The following MOSPD2 variants were observed in gnomAD, a reference collection of about 807,000 sequenced individuals.
The protein encoded by MOSPD2 is motile sperm domain-containing protein 2.
MOSPD2 carries 5 observed loss-of-function variants against 41.7 expected under a neutral mutation model. The observed-to-expected ratio is 0.12, with a 90% CI of 0.06 to 0.25. MOSPD2 has a LOEUF of 0.25. Among genes scored for constraint, MOSPD2 ranks in the 10% least tolerant of loss-of-function variants. MOSPD2 has a pLI of 1.00. For synonymous variants in MOSPD2, 115 were observed against 126.9 expected, an observed-to-expected ratio of 0.91 and a Z score of 0.63; for missense variants, 282 against 375.2, an observed-to-expected ratio of 0.75 and a Z score of 2.05.
intron 1 of MOSPD2, 61 bp downstream of exon 1, chrX:14,873,598 G>A: frequency 1.6e-5 from 19 of 1,209,010 alleles, no homozygotes; most frequent in Non-Finnish European, 2.1e-5. Context: ...CTGAGGCCCG[G>A]GGACCGAGCG....
chrX:14,910,364 A>C (rs945706494), intron 8 of MOSPD2, among the ~76,000 whole-genome samples: 15 of 111,081 alleles, frequency 1.4e-4, no homozygotes, highest in African/African-American at 4.9e-4. Context: ...TATATTGTCC[A>C]TTTGTACTTT....
Position 14,912,231 on chromosome X carries a change from CTT to C in MOSPD2, c.880-10_880-9del. The C allele has an allele frequency of 4.2e-6, 4 of 947,001 alleles. No individual in the cohort carries two copies. The highest frequency in any genetic ancestry group is 3.2e-5 in the East Asian group (1 of 30,874). The allele number at this position is 947,001 out of a possible 1,213,427, so 78.0% of individuals were successfully genotyped here. On this transcript the variant is annotated splice_polypyrimidine_tract_variant and intron_variant, in intron 9 of 14. Coordinates refer to ENST00000380492, the MANE Select transcript of MOSPD2 (RefSeq NM_152581.4). The stretch of plus-strand genomic sequence containing the variant: ...TGTTAATATATGCTAAATAGTTATC[CTT>C]TTTTTTTGTCTTTAGATTAACCCAA...
At chrX:14,893,276 AG>A (rs1186624486) in intron 3 of MOSPD2, 1 of 115,921 alleles carries the variant, frequency 8.6e-6, no homozygotes, top group African/African-American at 3.2e-5. Flanking sequence ...ATAGGTTAAT[AG>A]GTACGCCATA....
At chrX:14,906,169 TC>T (rs1272716510) in intron 7 of MOSPD2, among the ~76,000 whole-genome samples, 1 of 112,067 alleles carries the variant, frequency 8.9e-6, no homozygotes, top group African/African-American at 3.2e-5. Context: ...ACTTAACACT[TC>T]CTGATTTCAA....
intron 5 of MOSPD2, among the ~76,000 whole-genome samples, chrX:14,899,121 G>A (rs1206504749): frequency 9.3e-6 from 1 of 107,596 alleles, no homozygotes; most frequent in African/African-American, 3.3e-5. Context: ...ACTTGAACTA[G>A]AAAGTCTTTC....
intron 2 of MOSPD2, among the ~76,000 whole-genome samples, chrX:14,890,153 G>A (rs1258553489): frequency 9.0e-6 from 1 of 110,603 alleles, no homozygotes; most frequent in Non-Finnish European, 1.9e-5. Flanking sequence ...CCCAAATCAA[G>A]GCAGGTAGTC....
intron 5 of MOSPD2, among the ~76,000 whole-genome samples, chrX:14,897,524 G>A (rs985279221): frequency 2.7e-5 from 3 of 111,746 alleles, no homozygotes; most frequent in East Asian, 5.6e-4. Context: ...GGTATGAATC[G>A]ATGTGATAAC....
In MOSPD2 at chrX:14,921,588, G is replaced by A. The variant is rs768855791; in HGVS notation, c.*1779G>A. On this transcript the variant is annotated 3_prime_UTR_variant, in exon 15 of 15. Transcript: ENST00000380492. ...AAGATTGAAAATGTATTGTCCTAAC[G>A]GTGTCCCTTTAATGTTTCATATGAA... 2.5e-5 allele frequency: 8 copies of A among 319,528 alleles called. No individual in the cohort carries two copies. Among genetic ancestry groups the A allele is most frequent in the East Asian group, 1.0e-4 (2 of 19,201 alleles). 26.3% of individuals were successfully genotyped at this position (319,528 alleles called of 1,213,427 possible).
rs375563130 is a variant in MOSPD2, at chrX:14,892,744, C to T, written c.101C>T (p.Ala34Val). 1 of 1,200,408 alleles carries T rather than the reference C, an allele frequency of 8.3e-7. No homozygotes were observed. Among genetic ancestry groups the T allele is most frequent in the Admixed American group, 2.2e-5 (1 of 45,676 alleles). The change falls in exon 3 of 15, where the codon GCA becomes GTA. Residue 34 changes from alanine (A) to valine (V), a missense_variant. By Grantham distance (64) the Ala-to-Val change is moderately conservative (BLOSUM62 0). Transcript: ENST00000380492. ...CTAGATAAGTCAGATAAATATGATGCACGTGATGTTGAAAGGCTACAACAA... is the reference window on the plus strand; with the variant it reads ...CTAGATAAGTCAGATAAATATGATGTACGTGATGTTGAAAGGCTACAACAA... ...YVTDKSDKYD[A>V]RDVERLQQDD...
rs1390909598 is a variant in MOSPD2, at chrX:14,894,162, T to C, written c.236-1146T>C. Among the ~76,000 whole-genome samples, 5 of 110,683 alleles carry C rather than the reference T, an allele frequency of 4.5e-5. No individual in the cohort carries two copies. The Admixed American group carries it at 4.8e-4, about 11-fold the overall frequency. On this transcript the variant is annotated intron_variant, in intron 3 of 14. Coordinates refer to ENST00000380492, the MANE Select transcript of MOSPD2 (RefSeq NM_152581.4). ...TTTATTTTATTTTGAGGCAGGGTCT[T>C]GCTCTGTCACCCAGGCTGGAATGCA...
intron 2 of MOSPD2, among the ~76,000 whole-genome samples, chrX:14,889,714 A>G (rs2092550193): frequency 9.0e-6 from 1 of 111,693 alleles, no homozygotes; most frequent in Admixed American, 9.6e-5. Flanking sequence ...AGCATGTTAT[A>G]TGTAAGAACA....
intron 14 of MOSPD2, 70 bp from the exon 15 acceptor site, chrX:14,919,602 C>T: frequency 1.2e-6 from 1 of 828,772 alleles, no homozygotes. Flanking sequence ...TCTAGTATTC[C>T]TGTTTGTCAT....
intron 2 of MOSPD2, among the ~76,000 whole-genome samples, chrX:14,888,886 T>A (rs1296799362): frequency 9.0e-6 from 1 of 111,672 alleles, no homozygotes; most frequent in East Asian, 2.8e-4. Context: ...TCTGTGATGC[T>A]GTAACAAAAT....
chrX:14,912,630 A>G (rs1241964810), intron 10 of MOSPD2, among the ~76,000 whole-genome samples: 1 of 111,919 alleles, frequency 8.9e-6, no homozygotes, highest in Non-Finnish European at 1.9e-5. Context: ...TCTGAATGGC[A>G]TGTATTTTCC....
At chrX:14,906,958 A>G (rs989210400) in intron 7 of MOSPD2, among the ~76,000 whole-genome samples, 2 of 112,095 alleles carry the variant, frequency 1.8e-5, no homozygotes, top group Non-Finnish European at 3.8e-5. Flanking sequence ...CAGGAGGCAG[A>G]GGTTGCAGTG....
chrX:14,900,018 A>T (rs757675995), intron 5 of MOSPD2, among the ~76,000 whole-genome samples: 22 of 112,146 alleles, frequency 2.0e-4, no homozygotes, highest in African/African-American at 6.5e-4. Context: ...AATAAAATTT[A>T]AAAAGCCAGA....
intron 2 of MOSPD2, among the ~76,000 whole-genome samples, chrX:14,890,241 G>A (rs1032676078): frequency 9.0e-5 from 10 of 111,043 alleles, no homozygotes; most frequent in African/African-American, 3.3e-4. Flanking sequence ...TGATGAAACA[G>A]TAAATTGTAT....
chrX:14,903,105 C>A, intron 7 of MOSPD2, 101 bp downstream of exon 7: 1 of 544,729 alleles, frequency 1.8e-6, no homozygotes, highest in South Asian at 2.8e-5. Flanking sequence ...TTTATATTGT[C>A]CTTTGCATGC....
At chrX:14,895,092 A>G (rs962900797) in intron 3 of MOSPD2, among the ~76,000 whole-genome samples, 3 of 112,038 alleles carry the variant, frequency 2.7e-5, no homozygotes, top group African/African-American at 9.7e-5. Flanking sequence ...GTCAAGGGAA[A>G]TGGAGTTTGT....
Sources: allele counts gnomAD v4.1 joint callset (sites outside exome capture counted in the v4.1 genomes callset), GRCh38; gene constraint gnomAD v4.1.1; transcripts MANE v1.5; gene names NCBI Gene and HGNC (gene_info 2026-07-23, HGNC 2026-07-21).